The following KIF26B variants were observed in gnomAD, a reference collection of about 807,000 sequenced individuals.
The protein encoded by KIF26B is kinesin family member 26B, also known as kinesin-like protein KIF26B.
A neutral mutation model predicts 151.2 loss-of-function variants in KIF26B; 63 were observed. The observed-to-expected ratio is 0.42, with a 90% CI of 0.34 to 0.51. The LOEUF (loss-of-function observed/expected upper bound fraction) is 0.51, where lower values mean the gene tolerates loss of function less well. Ranked by LOEUF, KIF26B falls within the 20% of genes least tolerant of loss-of-function variation. The pLI, the probability that KIF26B is intolerant of heterozygous loss-of-function variation, is 0.07. For missense variants in KIF26B, 2,813 were observed against 2,913.6 expected (o/e 0.97, Z 0.79); for synonymous variants, 1,357 against 1,262.1 (o/e 1.08, Z -1.59).
intron 2 of KIF26B, among the ~76,000 whole-genome samples, chr1:245,249,734 A>G (rs1670408042): frequency 6.6e-6 from 1 of 152,002 alleles, no homozygotes; most frequent in Admixed American, 6.6e-5. Context: ...CTACCTTCCT[A>G]GGCCTCCCAG....
intron 2 of KIF26B, among the ~76,000 whole-genome samples, chr1:245,302,347 A>G (rs898834056): frequency 6.6e-6 from 1 of 152,198 alleles, no homozygotes; most frequent in Non-Finnish European, 1.5e-5. Context: ...GAAAGCTCAT[A>G]ATGTGGTGAA....
chr1:245,200,266 G>T (rs990285582), intron 2 of KIF26B, among the ~76,000 whole-genome samples: 4 of 152,308 alleles, frequency 2.6e-5, no homozygotes, highest in Admixed American at 6.5e-5. Flanking sequence ...CATTCAACCA[G>T]GAGTGGAATT....
intron 9 of KIF26B, among the ~76,000 whole-genome samples, chr1:245,619,808 G>A (rs896640839): frequency 2.6e-5 from 4 of 151,966 alleles, no homozygotes; most frequent in East Asian, 3.9e-4. Context: ...AGCTACTCGG[G>A]AGGCTGAGGC....
chr1:245,257,583 G>A lies in KIF26B; in HGVS notation c.465+100900G>A, dbSNP rs61829572. ...TTAAACGAGTTACTCTTCAGGGCCC[G>A]TCGTGTGAAAAGCTTTGCTGCACAT... is the stretch of plus-strand genomic sequence containing the variant. On this transcript the variant is annotated intron_variant, in intron 2 of 14. Coordinates refer to ENST00000407071, the MANE Select transcript of KIF26B (RefSeq NM_018012.4). Among the ~76,000 whole-genome samples, 688 of 152,270 alleles carry A rather than the reference G, an allele frequency of 4.5e-3. 6 individuals carry two copies. Among genetic ancestry groups the A allele is most frequent in the Non-Finnish European group, 6.3e-3 (431 of 68,022 alleles).
chr1:245,685,869 C>T lies in KIF26B; in HGVS notation c.2886C>T (p.Gly962=). 1 of 1,612,818 alleles carries T rather than the reference C, an allele frequency of 6.2e-7. No homozygotes were observed. The highest frequency in any genetic ancestry group is 8.5e-7 in the Non-Finnish European group (1 of 1,179,768). Residue 962 remains glycine (G), a synonymous_variant, in exon 12 of 15, where the codon GGC becomes GGT. Coordinates refer to ENST00000407071, the MANE Select transcript of KIF26B (RefSeq NM_018012.4). ...AQFGPEQASR[G]PRLSQAAGAS... Reference sequence around the variant, plus strand: ...TTGGGCCAGAGCAGGCAAGCAGAGGCCCCCGGTTAAGCCAAGCAGCGGGGG... The same window carrying T: ...TTGGGCCAGAGCAGGCAAGCAGAGGTCCCCGGTTAAGCCAAGCAGCGGGGG...
At chr1:245,494,322 C>CAAAT (rs980280987) in intron 4 of KIF26B, among the ~76,000 whole-genome samples, 8 of 151,824 alleles carry the variant, frequency 5.3e-5, no homozygotes, top group African/African-American at 1.9e-4. Flanking sequence ...AACAAACAAA[C>CAAAT]AAAAAACAAT....
Position 245,563,118 on chromosome 1 carries a change from T to G in KIF26B, c.1350+22168T>G, listed in dbSNP as rs533608753. 6.0e-4 allele frequency among the ~76,000 whole-genome samples: 92 copies of G among 152,322 alleles called. No homozygotes were observed. The highest frequency in any genetic ancestry group is 1.1e-3 in the Non-Finnish European group (77 of 68,036). On this transcript the variant is annotated intron_variant, in intron 5 of 14. Coordinates refer to ENST00000407071, the MANE Select transcript of KIF26B (RefSeq NM_018012.4). This position sits in a 1 kb window ranked among gnomAD's most constrained non-coding sequence, Gnocchi z 4.6. Reference sequence around the variant, plus strand: ...TGGGGAATGAATGTGAGGTCACTAGTCAATGATTCTGAAATGAGTCTATTG... The same window carrying G: ...TGGGGAATGAATGTGAGGTCACTAGGCAATGATTCTGAAATGAGTCTATTG...
chr1:245,558,291 G>A (rs1247733210), intron 5 of KIF26B, among the ~76,000 whole-genome samples: 1 of 152,216 alleles, frequency 6.6e-6, no homozygotes, highest in African/African-American at 2.4e-5. Flanking sequence ...GCTGCAGGGG[G>A]CTGGCTCCCT....
chr1:245,646,983 A>G (rs1178929777), intron 10 of KIF26B, among the ~76,000 whole-genome samples: 15 of 152,326 alleles, frequency 9.8e-5, no homozygotes, highest in Non-Finnish European at 1.5e-5. Context: ...GTGTGGTGGC[A>G]GGCCATTGAC....
chr1:245,291,235 G>A (rs1208247395), intron 2 of KIF26B, among the ~76,000 whole-genome samples: 2 of 152,182 alleles, frequency 1.3e-5, no homozygotes, highest in Admixed American at 6.5e-5. Flanking sequence ...TTGAGAGGAG[G>A]AACTGCAAAG....
intron 9 of KIF26B, among the ~76,000 whole-genome samples, chr1:245,626,721 C>T (rs1407867377): frequency 1.3e-5 from 2 of 152,056 alleles, no homozygotes; most frequent in African/African-American, 2.4e-5. Context: ...CTGTGCAGAA[C>T]GTTTTTAGTT....
intron 9 of KIF26B, among the ~76,000 whole-genome samples, chr1:245,641,444 T>C (rs1046761102): frequency 6.6e-6 from 1 of 152,186 alleles, no homozygotes; most frequent in Non-Finnish European, 1.5e-5. Flanking sequence ...TTCTCAGTTC[T>C]CTCTTTAATT....
intron 5 of KIF26B, among the ~76,000 whole-genome samples, chr1:245,565,916 T>C (rs1042106883): frequency 1.3e-5 from 2 of 152,232 alleles, no homozygotes; most frequent in East Asian, 1.9e-4. Context: ...CTTCCGATCA[T>C]GGCAGAAGGT....
At chr1:245,250,361 A>G (rs996458549) in intron 2 of KIF26B, among the ~76,000 whole-genome samples, 2 of 152,238 alleles carry the variant, frequency 1.3e-5, no homozygotes, top group African/African-American at 4.8e-5. Context: ...AGATTTATCT[A>G]TCCATTTGGT....
chr1:245,494,613 A>G (rs1435153083), intron 4 of KIF26B, among the ~76,000 whole-genome samples: 1 of 152,222 alleles, frequency 6.6e-6, no homozygotes, highest in Non-Finnish European at 1.5e-5. Flanking sequence ...TAAAAGAAAA[A>G]AAATAGGCAC....
At position 245,609,498 on chromosome 1, in the gene KIF26B, C is replaced by T. The variant is rs550742088; in HGVS notation, c.1884C>T (p.Tyr628=). The change falls in exon 8 of 15, where the codon TAC becomes TAT. Residue 628 remains tyrosine (Y), a synonymous_variant. Coordinates refer to ENST00000407071, the MANE Select transcript of KIF26B (RefSeq NM_018012.4). ...AGGACGGCCAGTCCCCGGGCGTGTA[C>T]CTCTGTGAGGACCCCATCTGCGGCA... ...SLQDGQSPGV[Y]LCEDPICGTQ... is the part of the protein sequence containing the mutation. The T allele has an allele frequency of 2.5e-6, 4 of 1,583,268 alleles. No homozygotes were observed. The South Asian group carries it at 4.7e-5, about 18-fold the overall frequency.
At chr1:245,408,391 G>C (rs1572047241) in intron 3 of KIF26B, among the ~76,000 whole-genome samples, 1 of 113,142 alleles carries the variant, frequency 8.8e-6, no homozygotes, top group African/African-American at 3.4e-5. Context: ...GTCTTGCTCT[G>C]TCACCTAGGC....
intron 9 of KIF26B, among the ~76,000 whole-genome samples, chr1:245,632,673 C>T (rs960846657): frequency 6.6e-6 from 1 of 152,126 alleles, no homozygotes; most frequent in Non-Finnish European, 1.5e-5. Flanking sequence ...TTTGGAAGGC[C>T]AAGGCGGGCC....
At chr1:245,434,592 C>T (rs992587786) in intron 4 of KIF26B, among the ~76,000 whole-genome samples, 1 of 152,230 alleles carries the variant, frequency 6.6e-6, no homozygotes, top group African/African-American at 2.4e-5. Flanking sequence ...ACCTGTGACT[C>T]TGCCCGAGGG....
Sources: gnomAD v4.1 joint callset for allele counts (sites outside exome capture counted in the v4.1 genomes callset) on GRCh38, gnomAD v4.1.1 for gene constraint, Gnocchi (gnomAD v3.1) non-coding constraint, MANE v1.5 for transcripts, NCBI Gene and HGNC (gene_info 2026-07-23, HGNC 2026-07-21) for gene names.